MPP7: variants seen among roughly 807,000 people sequenced by gnomAD.
MPP7 encodes MAGUK p55 scaffold protein 7.
MPP7 carries 60 observed loss-of-function variants against 76.5 expected under a neutral mutation model. The observed-to-expected ratio is 0.78, with a 90% CI of 0.64 to 0.97. The LOEUF is 0.97. Ranked by LOEUF, MPP7 falls within the 50% of genes least tolerant of loss-of-function variation. The probability of loss-of-function intolerance (pLI) is 0.00; values close to 1 mark genes in which losing one functional copy is unlikely to be tolerated. For synonymous variants in MPP7, 237 were observed against 244.5 expected (o/e 0.97, Z 0.29); for missense variants, 641 against 694.0 (o/e 0.92, Z 0.86).
chr10:28,197,505 G>A (rs1324346230), intron 3 of MPP7, among the ~76,000 whole-genome samples: 5 of 152,102 alleles, frequency 3.3e-5, no homozygotes, highest in African/African-American at 7.2e-5. Flanking sequence ...CTCCTATACC[G>A]AATGCAGGTT....
chr10:28,277,374 A>G (rs910124080), intron 1 of MPP7, among the ~76,000 whole-genome samples: 23 of 151,782 alleles, frequency 1.5e-4, no homozygotes, highest in African/African-American at 5.1e-4. Context: ...AAAAAAAAAA[A>G]AATTAATTAA....
chr10:28,260,268 T>C (rs1260612604), intron 1 of MPP7, among the ~76,000 whole-genome samples: 2 of 152,162 alleles, frequency 1.3e-5, no homozygotes, highest in African/African-American at 4.8e-5. Context: ...AATTCATCCA[T>C]TCCAGTCTCC....
chr10:28,198,013 C>T (rs1459373993), intron 3 of MPP7, among the ~76,000 whole-genome samples: 2 of 152,060 alleles, frequency 1.3e-5, no homozygotes, highest in Admixed American at 6.5e-5. Context: ...GAAACACACA[C>T]AATAATTCAA....
intron 1 of MPP7, among the ~76,000 whole-genome samples, chr10:28,296,467 A>G (rs768467353): frequency 1.8e-4 from 27 of 152,218 alleles, no homozygotes; most frequent in Admixed American, 3.3e-4. Flanking sequence ...CTGCATTTTC[A>G]AAGTCCAAAG....
At chr10:28,154,442 T>C (rs16928547) in intron 3 of MPP7, among the ~76,000 whole-genome samples, 3,535 of 152,296 alleles carry the variant, frequency 0.023, 113 homozygotes, top group African/African-American at 0.077. Context: ...ACTGGTACTT[T>C]GCCTTCAATT....
chr10:28,268,716 C>T (rs142541269), intron 1 of MPP7, among the ~76,000 whole-genome samples: 35 of 148,498 alleles, frequency 2.4e-4, no homozygotes, highest in African/African-American at 8.5e-4. Context: ...GCCTCGATGA[C>T]GGAGTGAGAC....
At chr10:28,197,183 T>A (rs1203817595) in intron 3 of MPP7, among the ~76,000 whole-genome samples, 1 of 46,484 alleles carries the variant, frequency 2.2e-5, no homozygotes, top group Non-Finnish European at 3.5e-5. Flanking sequence ...GCAACTTCCT[T>A]TTTTTTTTTT....
At chr10:28,173,244 CA>C (rs1836745695) in intron 3 of MPP7, among the ~76,000 whole-genome samples, 1 of 146,454 alleles carries the variant, frequency 6.8e-6, no homozygotes, top group South Asian at 2.3e-4. Context: ...AAAAAAAAGA[CA>C]AAAAGAATTT....
intron 3 of MPP7, among the ~76,000 whole-genome samples, chr10:28,168,663 T>C (rs2985513): frequency 0.8 from 121,329 of 151,828 alleles, 48,851 homozygotes; most frequent in Middle Eastern, 0.85. Flanking sequence ...GGACTACAGG[T>C]GCCTGCCACC....
intron 5 of MPP7, among the ~76,000 whole-genome samples, chr10:28,136,572 T>G (rs192114839): frequency 6.6e-6 from 1 of 152,214 alleles, no homozygotes; most frequent in Admixed American, 6.5e-5. Flanking sequence ...ATTACACAGA[T>G]AGCAGACAAG....
chr10:28,075,644 C>A (rs556706439), intron 12 of MPP7, among the ~76,000 whole-genome samples: 2 of 152,262 alleles, frequency 1.3e-5, no homozygotes, highest in Non-Finnish European at 2.9e-5. Flanking sequence ...GTGCTACTTG[C>A]TCTTTTATGC....
At chr10:28,098,630 G>A (rs982986368) in intron 11 of MPP7, among the ~76,000 whole-genome samples, 8 of 151,694 alleles carry the variant, frequency 5.3e-5, no homozygotes, top group African/African-American at 7.3e-5. Flanking sequence ...AATGAAATCC[G>A]TATTGGCAGA....
intron 2 of MPP7, among the ~76,000 whole-genome samples, chr10:28,207,228 T>TGGAAA (rs1837977444): frequency 6.6e-6 from 1 of 152,138 alleles, no homozygotes; most frequent in Non-Finnish European, 1.5e-5. Flanking sequence ...TCAATAAAAT[T>TGGAAA]ATTTCATAAA....
At position 28,131,550 on chromosome 10, in the gene MPP7, C is replaced by A; in HGVS notation, c.447+10G>T. ...ATGGTATCTACTCATATCTGAGCAC[C>A]AAAACTCACCAGTGGTTCTCTATTT... On this transcript the variant is annotated intron_variant, in intron 6 of 16. Transcript: ENST00000683449. 1 of 1,575,696 alleles carries A rather than the reference C, an allele frequency of 6.3e-7. No individual in the cohort carries two copies. Among genetic ancestry groups the A allele is most frequent in the South Asian group, 1.1e-5 (1 of 90,218 alleles).
At chr10:28,065,648 C>CA (rs1310998724) in intron 13 of MPP7, among the ~76,000 whole-genome samples, 2 of 152,138 alleles carry the variant, frequency 1.3e-5, no homozygotes, top group African/African-American at 4.8e-5. Context: ...CCCATGTCCC[C>CA]AAAATATCCC....
chr10:28,309,413 C>CAAAA (rs3064166), intron 2 of MPP7, among the ~76,000 whole-genome samples: 47 of 131,138 alleles, frequency 3.6e-4, no homozygotes, highest in East Asian at 6.6e-4. Context: ...GACTCCATCT[C>CAAAA]AAAAAAAAAA....
chr10:28,159,512 T>C (rs929965262), intron 3 of MPP7, among the ~76,000 whole-genome samples: 2 of 152,236 alleles, frequency 1.3e-5, no homozygotes, highest in African/African-American at 2.4e-5. Flanking sequence ...CTTTCATTTC[T>C]GGCTACAAAG....
intron 12 of MPP7, among the ~76,000 whole-genome samples, chr10:28,083,790 G>A (rs1188796445): frequency 5.3e-5 from 8 of 151,820 alleles, no homozygotes; most frequent in African/African-American, 1.5e-4. Flanking sequence ...TGCCTGCCTC[G>A]GCCTCCCAGA....
At chr10:28,305,791 T>C (rs1841250734), upstream of MPP7, 1 of 152,180 alleles carries the variant, frequency 6.6e-6, no homozygotes, top group African/African-American at 2.4e-5. Context: ...CCCAGAATGT[T>C]GAAACAAATG....
Sources: gnomAD v4.1 joint callset for allele counts (sites outside exome capture counted in the v4.1 genomes callset) on GRCh38, gnomAD v4.1.1 for gene constraint, MANE v1.5 for transcripts, NCBI Gene and HGNC (gene_info 2026-07-23, HGNC 2026-07-21) for gene names.